The following TTC39B variants were observed in gnomAD, a reference collection of about 807,000 sequenced individuals.
TTC39B encodes the protein tetratricopeptide repeat protein 39B.
In TTC39B, 92 loss-of-function variants were observed where a neutral mutation model predicts 96.6. The observed-to-expected ratio is 0.95, with a 90% confidence interval of 0.80 to 1.13. TTC39B has a LOEUF of 1.13. TTC39B is among the 50% of genes most tolerant of loss of function. The pLI is 0.00. For synonymous variants in TTC39B, 367 were observed against 299.4 expected (o/e 1.23, Z -2.33); for missense variants, 955 against 809.3 (o/e 1.18, Z -2.18).
At chr9:15,258,298 G>A (rs1401622036) in intron 2 of TTC39B, among the ~76,000 whole-genome samples, 3 of 152,088 alleles carry the variant, frequency 2.0e-5, no homozygotes, top group African/African-American at 7.2e-5. Flanking sequence ...TTGGTAATGT[G>A]GAAATTAAAA....
chr9:15,254,948 A>C (rs1822700499), intron 2 of TTC39B, among the ~76,000 whole-genome samples: 1 of 151,976 alleles, frequency 6.6e-6, no homozygotes, highest in Non-Finnish European at 1.5e-5. Flanking sequence ...ATAAATAAAA[A>C]TCAAAAGCTT....
At chr9:15,300,754 C>G (rs1019625648) in intron 1 of TTC39B, among the ~76,000 whole-genome samples, 2 of 151,986 alleles carry the variant, frequency 1.3e-5, no homozygotes, top group African/African-American at 4.8e-5. Context: ...GGCGTGGTAG[C>G]AGGCACCTGT....
At chr9:15,262,607 C>G (rs1466410101) in intron 2 of TTC39B, among the ~76,000 whole-genome samples, 2 of 151,946 alleles carry the variant, frequency 1.3e-5, no homozygotes, top group African/African-American at 4.8e-5. Flanking sequence ...TAAAATAACA[C>G]AATCGTTACC....
intron 1 of TTC39B, among the ~76,000 whole-genome samples, chr9:15,277,494 A>G (rs114624691): frequency 6.6e-6 from 1 of 152,316 alleles, no homozygotes; most frequent in African/African-American, 2.4e-5. Flanking sequence ...CACAAAACCC[A>G]TAAGTTATGG....
intron 6 of TTC39B, among the ~76,000 whole-genome samples, chr9:15,205,916 T>G (rs1017764743): frequency 1.3e-5 from 2 of 152,010 alleles, no homozygotes; most frequent in African/African-American, 4.8e-5. Context: ...GGAGGAGACA[T>G]CAATGAGGCT....
intron 2 of TTC39B, among the ~76,000 whole-genome samples, chr9:15,258,060 C>CA (rs111531251): frequency 0.17 from 26,027 of 151,360 alleles, 2,730 homozygotes; most frequent in African/African-American, 0.29. Context: ...AACTCCATCT[C>CA]AAAAAAAATA....
At chr9:15,193,955 T>C (rs1348343067) in intron 8 of TTC39B, among the ~76,000 whole-genome samples, 2 of 152,154 alleles carry the variant, frequency 1.3e-5, no homozygotes, top group African/African-American at 4.8e-5. Flanking sequence ...CTAACCTCGA[T>C]ATCCAGGATC....
chr9:15,247,898 GAC>G (rs899953567), intron 2 of TTC39B, among the ~76,000 whole-genome samples: 1 of 152,070 alleles, frequency 6.6e-6, no homozygotes, highest in Non-Finnish European at 1.5e-5. Flanking sequence ...ATGACTAAGG[GAC>G]ATAATCCAGC....
chr9:15,263,037 A>G (rs1481999355), intron 2 of TTC39B, among the ~76,000 whole-genome samples: 1 of 152,252 alleles, frequency 6.6e-6, no homozygotes. Flanking sequence ...GAAATTTTTT[A>G]CAATTAACAT....
intron 6 of TTC39B, 54 bp downstream of exon 6, chr9:15,210,034 G>T: frequency 7.9e-7 from 1 of 1,265,730 alleles, no homozygotes; most frequent in South Asian, 1.3e-5. Context: ...TTTATGAGAT[G>T]ATCATTTAAC....
intron 3 of TTC39B, among the ~76,000 whole-genome samples, chr9:15,214,463 G>C (rs1820400396): frequency 6.6e-6 from 1 of 152,076 alleles, no homozygotes; most frequent in African/African-American, 2.4e-5. Flanking sequence ...TGAGACTCTA[G>C]AGGAGACCTC....
intron 4 of TTC39B, 59 bp from the exon 5 acceptor site, chr9:15,211,456 A>C: frequency 7.4e-7 from 1 of 1,353,068 alleles, no homozygotes; most frequent in Non-Finnish European, 9.7e-7. Flanking sequence ...GATCATAAGA[A>C]ATCCTAGTAA....
intron 1 of TTC39B, among the ~76,000 whole-genome samples, chr9:15,271,129 T>A (rs1823335193): frequency 6.6e-6 from 1 of 151,864 alleles, no homozygotes; most frequent in Non-Finnish European, 1.5e-5. Context: ...AATTAGACAG[T>A]TGGGCAGGAT....
At chr9:15,180,306 T>A (rs529307664) in intron 17 of TTC39B, among the ~76,000 whole-genome samples, 1 of 152,364 alleles carries the variant, frequency 6.6e-6, no homozygotes, top group Non-Finnish European at 1.5e-5. Context: ...ATAACTCTCA[T>A]AATGTTTGCT....
chr9:15,223,752 T>C (rs1820973278), intron 3 of TTC39B, among the ~76,000 whole-genome samples: 1 of 152,016 alleles, frequency 6.6e-6, no homozygotes, highest in Non-Finnish European at 1.5e-5. Context: ...AAACTGCAAA[T>C]GTGAGTACAG....
chr9:15,269,838 G>C (rs112760709), intron 1 of TTC39B, among the ~76,000 whole-genome samples: 3,163 of 146,828 alleles, frequency 0.022, 116 homozygotes, highest in African/African-American at 0.076. Context: ...CTGTGTGACA[G>C]AGTGAGACTC....
At chr9:15,283,002 G>A (rs73646028) in intron 1 of TTC39B, among the ~76,000 whole-genome samples, 11,475 of 152,168 alleles carry the variant, frequency 0.075, 1,445 homozygotes, top group African/African-American at 0.26. Flanking sequence ...TTTCTCAATC[G>A]TAATTACAAA....
rs140461456 is a variant in TTC39B at position 15,272,624 on chromosome 9, T to C, written c.241-4676A>G. ...CATTGAACCACACCTGGCTCCCAAATAATACACTGCCTCCAAACAGTATCT... is the reference window on the plus strand; with the variant it reads ...CATTGAACCACACCTGGCTCCCAAACAATACACTGCCTCCAAACAGTATCT... On this transcript the variant is annotated intron_variant, in intron 1 of 19. Coordinates refer to ENST00000512701, the Ensembl canonical transcript of TTC39B. Among the ~76,000 whole-genome samples the C allele has an allele frequency of 2.2e-3, 334 of 152,284 alleles. 1 individual carries two copies. The highest frequency in any genetic ancestry group is 7.8e-3 in the African/African-American group (325 of 41,552).
chr9:15,211,259 G>A lies in TTC39B; in HGVS notation c.614+7C>T, dbSNP rs768447567. The A allele has an allele frequency of 5.2e-6, 8 of 1,524,348 alleles. No individual in the cohort carries two copies. The South Asian group carries it at 7.8e-5, about 15-fold the overall frequency. The allele number at this position is 1,524,348 out of a possible 1,614,324, so 94.4% of individuals were successfully genotyped here. On this transcript the variant is annotated splice_region_variant and intron_variant, in intron 5 of 19. Transcript: ENST00000512701. ...TCACATCTTAAGTATTTAATGACTCGTCATACTTTTGGCAGGTTTGTAAAG... is the reference window on the plus strand; with the variant it reads ...TCACATCTTAAGTATTTAATGACTCATCATACTTTTGGCAGGTTTGTAAAG...
Sources: gnomAD v4.1 joint callset for allele counts (sites outside exome capture counted in the v4.1 genomes callset) on GRCh38, gnomAD v4.1.1 for gene constraint, MANE v1.5 for transcripts, NCBI Gene and HGNC (gene_info 2026-07-23, HGNC 2026-07-21) for gene names.